Variants in ATG7 observed in about 807,000 individuals in gnomAD.
The protein encoded by ATG7 is ubiquitin-like modifier-activating enzyme ATG7.
Under a neutral mutation model 82.4 loss-of-function variants are expected in ATG7, and 70 were observed. That is an observed-to-expected ratio of 0.85 (90% CI 0.70 to 1.04). ATG7 has a LOEUF of 1.04. Ranked by LOEUF, ATG7 falls within the 50% of genes least tolerant of loss-of-function variation. The pLI is 0.00. For missense variants in ATG7, 792 were observed against 864.3 expected (o/e 0.92, Z 1.05); for synonymous variants, 287 against 313.0 (o/e 0.92, Z 0.88).
chr3:11,298,744 C>T lies in ATG7; in HGVS notation c.49C>T (p.Pro17Ser). 1 of 1,614,086 alleles carries T rather than the reference C, an allele frequency of 6.2e-7. No homozygotes were observed. Among genetic ancestry groups the T allele is most frequent in the Non-Finnish European group, 8.5e-7 (1 of 1,180,024 alleles). The change falls in exon 4 of 21, where the codon CCT (proline) becomes TCT (serine). Residue 17 changes from proline to serine, a missense_variant. Coordinates refer to ENST00000693202, the MANE Select transcript of ATG7 (RefSeq NM_001349232.2). ...TGGACTCTCTAAACTGCAGTTTGCC[C>T]CTTTTAGTAGTGCCTTGGATGTTGG... is the stretch of plus-strand genomic sequence containing the variant. ...DPGLSKLQFA[P>S]FSSALDVGFW...
intron 19 of ATG7, among the ~76,000 whole-genome samples, chr3:11,404,172 G>T (rs111287877): frequency 8.5e-6 from 1 of 117,024 alleles, no homozygotes; most frequent in Admixed American, 1.2e-4. Context: ...TTGCTCTGTC[G>T]CCCAGACCGG....
intron 19 of ATG7, among the ~76,000 whole-genome samples, chr3:11,384,776 C>T (rs552696889): frequency 6.6e-6 from 1 of 152,018 alleles, no homozygotes; most frequent in South Asian, 2.1e-4. Context: ...GCCTGGGTAA[C>T]ATGGTGAAAT....
chr3:11,465,086 A>AAAGT (rs1300444506), intron 20 of ATG7, among the ~76,000 whole-genome samples: 11 of 71,518 alleles, frequency 1.5e-4, no homozygotes, highest in African/African-American at 5.4e-4. Flanking sequence ...CTAAAAACCT[A>AAAGT]AAGTGTGTGT....
chr3:11,360,913 T>C, intron 16 of ATG7, 129 bp downstream of exon 16: 1 of 1,056,472 alleles, frequency 9.5e-7, no homozygotes, highest in South Asian at 1.6e-5. Context: ...ATTCTCCAAT[T>C]TGGGGAGGAT....
chr3:11,565,850 T>G, the ATG7 span, among the ~76,000 whole-genome samples: 2 of 152,228 alleles, frequency 1.3e-5, no homozygotes, highest in African/African-American at 4.8e-5. This position sits in a 1 kb window ranked among gnomAD's most constrained non-coding sequence, Gnocchi z 4.1. Flanking sequence ...AGGTAAGCCA[T>G]GGCCAGCCCT....
chr3:11,355,931 T>C (rs1274527408), intron 14 of ATG7, among the ~76,000 whole-genome samples: 1 of 152,142 alleles, frequency 6.6e-6, no homozygotes, highest in Non-Finnish European at 1.5e-5. Context: ...ACAGCCCAAA[T>C]CACCATCAAC....
chr3:11,541,297 T>C (rs909378508), intron 20 of ATG7, among the ~76,000 whole-genome samples: 1 of 152,248 alleles, frequency 6.6e-6, no homozygotes, highest in Non-Finnish European at 1.5e-5. Context: ...TATGTGGTTA[T>C]CTAATTGTTC....
the ATG7 span, chr3:11,568,455 G>A: frequency 1.8e-6 from 2 of 1,125,468 alleles, no homozygotes; most frequent in African/African-American, 3.1e-5. This position sits in a 1 kb window ranked among gnomAD's most constrained non-coding sequence, Gnocchi z 5.9. Flanking sequence ...GGGCAGCAGG[G>A]AGAAGGGGAC....
At chr3:11,379,298 A>G (rs891390489) in intron 18 of ATG7, among the ~76,000 whole-genome samples, 11 of 152,210 alleles carry the variant, frequency 7.2e-5, no homozygotes, top group African/African-American at 2.7e-4. Flanking sequence ...GTGTAAGTAT[A>G]GTATATACAG....
chr3:11,336,771 C>G (rs747520512), intron 11 of ATG7, among the ~76,000 whole-genome samples: 3 of 152,114 alleles, frequency 2.0e-5, no homozygotes, highest in Non-Finnish European at 2.9e-5. Context: ...CTCCCAGGCT[C>G]AAACCATCCC....
intron 20 of ATG7, among the ~76,000 whole-genome samples, chr3:11,434,733 G>A (rs2083218567): frequency 6.6e-6 from 1 of 152,176 alleles, no homozygotes; most frequent in Non-Finnish European, 1.5e-5. Flanking sequence ...TGAAGTCTGG[G>A]CAGAGTTCCC....
intron 20 of ATG7, among the ~76,000 whole-genome samples, chr3:11,469,502 C>T (rs189749751): frequency 1.3e-3 from 195 of 151,980 alleles, no homozygotes; most frequent in Middle Eastern, 0.01. Context: ...ACCTATTAGT[C>T]CACTGATTTT....
At chr3:11,510,553 C>T (rs2447607) in intron 20 of ATG7, among the ~76,000 whole-genome samples, 81,232 of 150,796 alleles carry the variant, frequency 0.54, 22,406 homozygotes, top group East Asian at 0.65. Flanking sequence ...AAGCTGTCCC[C>T]TCGCTCTTTG....
At chr3:11,371,750 T>C (rs2077010116) in intron 18 of ATG7, among the ~76,000 whole-genome samples, 1 of 151,114 alleles carries the variant, frequency 6.6e-6, no homozygotes, top group Admixed American at 6.6e-5. Context: ...AGTACTTAAG[T>C]CCTTAAGGTA....
chr3:11,416,569 A>G (rs1174132669), intron 19 of ATG7, among the ~76,000 whole-genome samples: 1 of 152,184 alleles, frequency 6.6e-6, no homozygotes, highest in Non-Finnish European at 1.5e-5. Context: ...TAATAAAGGA[A>G]TACTATCACT....
intron 19 of ATG7, among the ~76,000 whole-genome samples, chr3:11,412,501 G>A (rs913595772): frequency 5.9e-5 from 9 of 152,038 alleles, no homozygotes; most frequent in African/African-American, 1.7e-4. Flanking sequence ...ATTCTGTTTC[G>A]TTGGTCTATG....
At chr3:11,292,234 ATT>A (rs1223420748) in intron 3 of ATG7, among the ~76,000 whole-genome samples, 2 of 142,484 alleles carry the variant, frequency 1.4e-5, no homozygotes, top group Admixed American at 1.4e-4. Context: ...GTGTGAATTT[ATT>A]TTTTTCTTTC....
chr3:11,478,163 C>T (rs980372453), intron 20 of ATG7, among the ~76,000 whole-genome samples: 5 of 152,060 alleles, frequency 3.3e-5, no homozygotes, highest in African/African-American at 7.2e-5. Flanking sequence ...ATGACCCCAT[C>T]GGTGGTAGCT....
chr3:11,521,061 C>T (rs2092428124), intron 20 of ATG7, among the ~76,000 whole-genome samples: 1 of 152,146 alleles, frequency 6.6e-6, no homozygotes, highest in East Asian at 1.9e-4. Context: ...TCCCAGTTTC[C>T]CCTTCCATGA....
Sources: allele counts gnomAD v4.1 joint callset (sites outside exome capture counted in the v4.1 genomes callset), GRCh38; gene constraint gnomAD v4.1.1; non-coding constraint Gnocchi (gnomAD v3.1); transcripts MANE v1.5; gene names NCBI Gene and HGNC (gene_info 2026-07-23, HGNC 2026-07-21).